PINLYP: variants seen among roughly 807,000 people sequenced by gnomAD.
The protein encoded by PINLYP is phospholipase A2 inhibitor and LY6/PLAUR domain containing, also known as phospholipase A2 inhibitor and Ly6/PLAUR domain-containing protein.
In PINLYP, 12 loss-of-function variants were observed where a neutral mutation model predicts 15.8. The ratio of observed to expected loss-of-function variants is 0.76; its 90% CI spans 0.49 to 1.23. The LOEUF is 1.23. Ranked by LOEUF, PINLYP falls within the 50% of genes most tolerant of loss-of-function variation. PINLYP has a pLI of 0.00. For missense variants in PINLYP, 278 were observed against 264.2 expected (o/e 1.05, Z -0.36); for synonymous variants, 93 against 97.7 (o/e 0.95, Z 0.28).
At chr19:43,577,244 G>A (rs1972876897) in exon 2 of PINLYP, 1 of 1,535,852 alleles carries the variant, frequency 6.5e-7, no homozygotes, top group Non-Finnish European at 8.7e-7. Flanking sequence ...GTGTTGCTCT[G>A]CACCCTCCTG....
intron 2 of PINLYP, 84 bp downstream of exon 2, chr19:43,577,345 G>T (rs1022980810): frequency 7.4e-5 from 100 of 1,359,194 alleles, no homozygotes; most frequent in Non-Finnish European, 9.5e-5. Flanking sequence ...TATAGAGAGA[G>T]AAAGAGCCTT....
chr19:43,575,748 C>G (rs1255873343), upstream of PINLYP: 2 of 343,874 alleles, frequency 5.8e-6, no homozygotes, highest in East Asian at 9.0e-5. Context: ...CTCCCAATGA[C>G]GTCCGAACCC....
At chr19:43,582,088 T>C (rs1972943972) in exon 6 of PINLYP, 1 of 1,442,238 alleles carries the variant, frequency 6.9e-7, no homozygotes, top group South Asian at 1.2e-5. Context: ...ATAAAGAAGT[T>C]AATAGAGCAA....
chr19:43,580,058 G>A (rs1243530413), intron 3 of PINLYP, among the ~76,000 whole-genome samples: 2 of 152,202 alleles, frequency 1.3e-5, no homozygotes, highest in African/African-American at 4.8e-5. Flanking sequence ...CACAGGAGGA[G>A]AGATGATGAG....
exon 5 of PINLYP, chr19:43,581,565 C>T: frequency 6.5e-7 from 1 of 1,535,010 alleles, no homozygotes; most frequent in Non-Finnish European, 8.7e-7. Context: ...ATCCTCAGTT[C>T]CCTTGACCAA....
At chr19:43,581,130 A>G (rs1972926016) in intron 3 of PINLYP, 82 bp from the exon 4 acceptor site, 2 of 1,436,296 alleles carry the variant, frequency 1.4e-6, no homozygotes, top group Middle Eastern at 2.0e-4. Flanking sequence ...GGGGAGGCCT[A>G]GGGTTAGGCA....
At chr19:43,580,430 T>C (rs1221380742) in intron 3 of PINLYP, 1 of 690,820 alleles carries the variant, frequency 1.4e-6, no homozygotes, top group African/African-American at 2.0e-5. Flanking sequence ...GTCTGAGGAG[T>C]GACCATGGCA....
chr19:43,578,781 G>C, intron 3 of PINLYP, 75 bp downstream of exon 3: 2 of 1,161,294 alleles, frequency 1.7e-6, no homozygotes, highest in Non-Finnish European at 2.5e-6. Context: ...CCATGCTGAG[G>C]GGGGATCATC....
At chr19:43,577,598 TA>T (rs111421268) in intron 2 of PINLYP, among the ~76,000 whole-genome samples, 122 of 142,104 alleles carry the variant, frequency 8.6e-4, no homozygotes, top group Admixed American at 1.0e-3. Context: ...AAAATATAAT[TA>T]AAAAAAAAAA....
exon 2 of PINLYP, chr19:43,577,146 A>G: frequency 6.5e-7 from 1 of 1,536,016 alleles, no homozygotes; most frequent in Non-Finnish European, 8.7e-7. Context: ...ACCCCTCCTC[A>G]GCTTCCTATA....
rs35099263 is a variant in PINLYP at position 43,576,476 on chromosome 19, C to CCACACACA, written c.-509_-502dup. Among the ~76,000 whole-genome samples the CCACACACA allele has an allele frequency of 6.6e-6, 1 of 150,460 alleles. No individual in the cohort carries two copies. Among genetic ancestry groups the CCACACACA allele is most frequent in the Non-Finnish European group, 1.5e-5 (1 of 67,466 alleles). ...ACACAAAGCATGTGCCCAACCCCCA[C>CCACACACA]CACACACACACACACACACCCCTAT... is the stretch of plus-strand genomic sequence containing the variant. On this transcript the variant is annotated 5_prime_UTR_variant, in exon 1 of 6. An upstream open reading frame in the 5' UTR gains an earlier in-frame stop. Coordinates refer to ENST00000599207, the Ensembl canonical transcript of PINLYP.
At chr19:43,581,654 T>C (rs1195343241) in exon 5 of PINLYP, 4 of 1,536,328 alleles carry the variant, frequency 2.6e-6, no homozygotes, top group African/African-American at 1.4e-5. Context: ...TGACCCACTG[T>C]ACTGGAAAGG....
intron 3 of PINLYP, chr19:43,580,739 A>AGCCCT: frequency 1.1e-6 from 1 of 927,738 alleles, no homozygotes; most frequent in Non-Finnish European, 1.3e-6. Flanking sequence ...AGGGAGGGCT[A>AGCCCT]CCTAAGAAAG....
exon 3 of PINLYP, chr19:43,578,603 C>A (rs1024786196): frequency 6.5e-7 from 1 of 1,535,752 alleles, no homozygotes; most frequent in Non-Finnish European, 8.7e-7. Flanking sequence ...GCCCACTACA[C>A]TGCGAAATAT....
Position 43,577,266 on chromosome 19 carries a change from G to A in PINLYP, c.70+5G>A. 1 of 1,535,728 alleles carries A rather than the reference G, an allele frequency of 6.5e-7. No individual in the cohort carries two copies. Among genetic ancestry groups the A allele is most frequent in the Non-Finnish European group, 8.7e-7 (1 of 1,146,696 alleles). ...TCTGCACCCTCCTGGGTCTTGGTAA[G>A]TGACAAGGGACCTGAACTGTCTCTG... On this transcript the variant is annotated splice_donor_5th_base_variant and intron_variant, in intron 2 of 5. Transcript: ENST00000599207.
intron 3 of PINLYP, among the ~76,000 whole-genome samples, chr19:43,579,736 G>GA (rs545927020): frequency 0.046 from 5,028 of 108,734 alleles, 125 homozygotes; most frequent in Middle Eastern, 0.082. Flanking sequence ...CATCTCTACA[G>GA]AAAAAAAAAA....
intron 1 of PINLYP, 28 bp downstream of exon 1, chr19:43,576,947 G>A (rs185160710): frequency 3.6e-5 from 20 of 550,036 alleles, no homozygotes; most frequent in Non-Finnish European, 4.9e-5. Flanking sequence ...TGACTTTCTG[G>A]GTTCTAATAG....
intron 5 of PINLYP, 75 bp downstream of exon 5, chr19:43,581,778 G>A: frequency 6.5e-7 from 1 of 1,533,342 alleles, no homozygotes; most frequent in Non-Finnish European, 8.7e-7. Flanking sequence ...GGGAGGAGAG[G>A]GTTCCAGAGA....
exon 5 of PINLYP, chr19:43,581,687 T>C: frequency 6.5e-7 from 1 of 1,536,342 alleles, no homozygotes; most frequent in Non-Finnish European, 8.7e-7. Flanking sequence ...TCTCCTTATC[T>C]GGACACGTGC....
Sources: gnomAD v4.1 joint callset for allele counts (sites outside exome capture counted in the v4.1 genomes callset) on GRCh38, gnomAD v4.1.1 for gene constraint, MANE v1.5 for transcripts, NCBI Gene and HGNC (gene_info 2026-07-23, HGNC 2026-07-21) for gene names.